The following UBE3D variants were observed in gnomAD, a reference collection of about 807,000 sequenced individuals.
The protein encoded by UBE3D is E3 ubiquitin-protein ligase E3D.
Under a neutral mutation model 49.6 loss-of-function variants are expected in UBE3D, and 48 were observed. The observed-to-expected ratio is 0.97, with a 90% CI of 0.77 to 1.23. The LOEUF (loss-of-function observed/expected upper bound fraction) is 1.23, where lower values mean the gene tolerates loss of function less well. Among genes scored for constraint, UBE3D ranks in the 50% most tolerant of loss-of-function variants. The pLI is 0.00. For synonymous variants in UBE3D, 189 were observed against 174.2 expected, an observed-to-expected ratio of 1.08 and a Z score of -0.67; for missense variants, 452 against 468.4, an observed-to-expected ratio of 0.96 and a Z score of 0.32.
chr6:82,923,555 G>A (rs1773517131), intron 9 of UBE3D, among the ~76,000 whole-genome samples: 1 of 152,146 alleles, frequency 6.6e-6, no homozygotes, highest in Non-Finnish European at 1.5e-5. Flanking sequence ...ACCAGAGCCT[G>A]GGGCCCTGTG....
At chr6:83,047,403 T>C (rs917057707) in intron 3 of UBE3D, among the ~76,000 whole-genome samples, 1 of 152,180 alleles carries the variant, frequency 6.6e-6, no homozygotes, top group African/African-American at 2.4e-5. Context: ...ATATCAAGAA[T>C]TGTTACAAGA....
At chr6:82,989,066 T>C (rs1420892003) in intron 8 of UBE3D, among the ~76,000 whole-genome samples, 1 of 152,090 alleles carries the variant, frequency 6.6e-6, no homozygotes, top group South Asian at 2.1e-4. Flanking sequence ...GTGTCATTTA[T>C]AGATAAGGTT....
chr6:82,948,902 C>T (rs1263736008), intron 9 of UBE3D, among the ~76,000 whole-genome samples: 1 of 151,998 alleles, frequency 6.6e-6, no homozygotes, highest in African/African-American at 2.4e-5. Flanking sequence ...ATGATAGACC[C>T]ATAGCTAGTA....
intron 1 of UBE3D, among the ~76,000 whole-genome samples, chr6:83,061,548 T>C (rs1784168381): frequency 6.6e-6 from 1 of 152,224 alleles, no homozygotes; most frequent in Non-Finnish European, 1.5e-5. Context: ...CTTAAAACTA[T>C]CCAATGACTT....
chr6:83,038,457 CA>C lies in UBE3D; in HGVS notation c.625del (p.Cys209ValfsTer6). 1.2e-6 allele frequency: 2 copies of C among 1,611,580 alleles called. No individual in the cohort carries two copies. The highest frequency in any genetic ancestry group is 8.5e-7 in the Non-Finnish European group (1 of 1,179,380). ...TCCCAACATTACCTTGCAACGCTTA[CA>C]AATTACTTTGGTATTTGCCTTTGGT... ...LEPKANTKVI[C>X]KRCKVMLGET... On this transcript the variant is annotated frameshift_variant, in exon 5 of 10. Coordinates refer to ENST00000369747, the MANE Select transcript of UBE3D (RefSeq NM_198920.3). LOFTEE classifies it high-confidence loss of function.
chr6:82,989,888 T>A (rs919850328), intron 8 of UBE3D, among the ~76,000 whole-genome samples: 3 of 152,224 alleles, frequency 2.0e-5, no homozygotes, highest in Non-Finnish European at 4.4e-5. Flanking sequence ...AAACACATAA[T>A]GCAGGATTTT....
intron 9 of UBE3D, among the ~76,000 whole-genome samples, chr6:82,908,330 T>G (rs1390701765): frequency 6.6e-6 from 1 of 152,086 alleles, no homozygotes; most frequent in African/African-American, 2.4e-5. Flanking sequence ...TTTTTGGTTG[T>G]CATAACTAGG....
chr6:82,958,166 A>G (rs1776302061), intron 8 of UBE3D, among the ~76,000 whole-genome samples: 1 of 152,256 alleles, frequency 6.6e-6, no homozygotes, highest in East Asian at 1.9e-4. Flanking sequence ...GAGATGAGGC[A>G]ATGTGTAGAA....
intron 9 of UBE3D, among the ~76,000 whole-genome samples, chr6:82,901,486 C>CT (rs1368988130): frequency 6.6e-6 from 1 of 152,154 alleles, no homozygotes; most frequent in Non-Finnish European, 1.5e-5. Flanking sequence ...GGGGTGGGGC[C>CT]TAGCAAGGGG....
intron 9 of UBE3D, among the ~76,000 whole-genome samples, chr6:82,937,806 G>A (rs1774696987): frequency 6.6e-6 from 1 of 152,174 alleles, no homozygotes; most frequent in African/African-American, 2.4e-5. Context: ...GTGACAAACA[G>A]CCCTTCGGAC....
At chr6:82,891,836 G>A (rs1174299718), downstream of UBE3D, among the ~76,000 whole-genome samples, 2 of 152,134 alleles carry the variant, frequency 1.3e-5, no homozygotes, top group South Asian at 2.1e-4. Flanking sequence ...GACCAGCCTG[G>A]CCAATATGGC....
chr6:83,038,222 C>G, intron 5 of UBE3D, 194 bp downstream of exon 5: 1 of 496,532 alleles, frequency 2.0e-6, no homozygotes, highest in Non-Finnish European at 3.5e-6. Context: ...ATTCAATACT[C>G]TGTATTTATG....
chr6:82,989,089 C>A (rs578118698), intron 8 of UBE3D, among the ~76,000 whole-genome samples: 1 of 151,886 alleles, frequency 6.6e-6, no homozygotes, highest in Non-Finnish European at 1.5e-5. Flanking sequence ...TGAGACTCTT[C>A]GGGCAGAAAA....
chr6:82,939,130 T>TGATGA (rs1774816681), intron 9 of UBE3D, among the ~76,000 whole-genome samples: 1 of 151,788 alleles, frequency 6.6e-6, no homozygotes, highest in African/African-American at 2.4e-5. Context: ...ACCCTATCTG[T>TGATGA]CTTCCAGTTC....
intron 8 of UBE3D, among the ~76,000 whole-genome samples, chr6:82,973,183 G>C (rs1365217301): frequency 6.6e-6 from 1 of 152,148 alleles, no homozygotes; most frequent in South Asian, 2.1e-4. Flanking sequence ...ATTTGGCATA[G>C]AGAAAAATTC....
intron 9 of UBE3D, chr6:82,924,835 A>G (rs1315551551): frequency 1.3e-5 from 2 of 152,154 alleles, no homozygotes; most frequent in African/African-American, 2.4e-5. Flanking sequence ...CTTTGACTGA[A>G]CCTAACTAAA....
intron 8 of UBE3D, among the ~76,000 whole-genome samples, chr6:83,002,385 CT>C (rs1779690765): frequency 2.0e-5 from 3 of 152,130 alleles, no homozygotes; most frequent in African/African-American, 7.2e-5. Flanking sequence ...AGATTAGCAC[CT>C]TTTAAAAGGG....
At chr6:82,921,603 C>G (rs1773344433) in intron 9 of UBE3D, among the ~76,000 whole-genome samples, 1 of 152,176 alleles carries the variant, frequency 6.6e-6, no homozygotes, top group South Asian at 2.1e-4. Context: ...CTGTCTCAGC[C>G]TCAGCTCAGA....
At chr6:82,900,710 T>A (rs182380415) in intron 9 of UBE3D, among the ~76,000 whole-genome samples, 3 of 152,182 alleles carry the variant, frequency 2.0e-5, no homozygotes, top group Non-Finnish European at 4.4e-5. Context: ...ATTGAGATAC[T>A]TAACGAGTGG....
Sources: allele counts gnomAD v4.1 joint callset (sites outside exome capture counted in the v4.1 genomes callset), GRCh38; gene constraint gnomAD v4.1.1; transcripts MANE v1.5; gene names NCBI Gene and HGNC (gene_info 2026-07-23, HGNC 2026-07-21).